Variants in SH3KBP1 observed in about 807,000 individuals in gnomAD.
SH3KBP1 encodes SH3 domain-containing kinase-binding protein 1.
SH3KBP1 carries 8 observed loss-of-function variants against 50.1 expected under a neutral mutation model. That is an observed-to-expected ratio of 0.16 (90% confidence interval 0.09 to 0.29). SH3KBP1 has a LOEUF of 0.29. Ranked by LOEUF, SH3KBP1 falls within the 10% of genes least tolerant of loss-of-function variation. SH3KBP1 has a pLI of 1.00. For missense variants in SH3KBP1, 377 were observed against 535.2 expected, an observed-to-expected ratio of 0.70 and a Z score of 2.92; for synonymous variants, 227 against 218.6, an observed-to-expected ratio of 1.04 and a Z score of -0.34.
chrX:19,673,512 C>A (rs772028436), intron 6 of SH3KBP1, among the ~76,000 whole-genome samples: 1 of 111,342 alleles, frequency 9.0e-6, no homozygotes, highest in African/African-American at 3.3e-5. Flanking sequence ...CAGGCAACGG[C>A]GATCCAGCTT....
chrX:19,880,476 T>C (rs981940396), intron 1 of SH3KBP1, among the ~76,000 whole-genome samples: 5 of 112,994 alleles, frequency 4.4e-5, no homozygotes, highest in Admixed American at 9.3e-5. Flanking sequence ...TTACATTGCA[T>C]GCCTGTATCA....
At chrX:19,771,423 A>G (rs2065787092) in intron 2 of SH3KBP1, among the ~76,000 whole-genome samples, 1 of 111,627 alleles carries the variant, frequency 9.0e-6, no homozygotes, top group African/African-American at 3.3e-5. Flanking sequence ...TTGACAAGAT[A>G]TAGCCTGGGC....
At chrX:19,681,655 G>A (rs2063055466) in intron 6 of SH3KBP1, among the ~76,000 whole-genome samples, 1 of 111,040 alleles carries the variant, frequency 9.0e-6, no homozygotes, top group Non-Finnish European at 1.9e-5. Context: ...TAGATGCAGA[G>A]TGGCCCAGGC....
At chrX:19,876,386 A>G (rs2069252676) in intron 1 of SH3KBP1, among the ~76,000 whole-genome samples, 1 of 111,172 alleles carries the variant, frequency 9.0e-6, no homozygotes, top group Non-Finnish European at 1.9e-5. Context: ...CAAACAAAAA[A>G]AACACCTAGA....
intron 2 of SH3KBP1, among the ~76,000 whole-genome samples, chrX:19,748,536 C>T (rs2064982464): frequency 8.9e-6 from 1 of 112,001 alleles, no homozygotes; most frequent in Admixed American, 9.4e-5. Context: ...AAATTCCAGA[C>T]TCCATTGTTC....
chrX:19,563,917 CTGT>C (rs956997353), intron 13 of SH3KBP1, among the ~76,000 whole-genome samples: 1 of 111,431 alleles, frequency 9.0e-6, no homozygotes, highest in African/African-American at 3.3e-5. Context: ...GAAGGCGCGG[CTGT>C]TGTTCACACA....
At chrX:19,730,443 T>C (rs765953586) in intron 3 of SH3KBP1, among the ~76,000 whole-genome samples, 2 of 111,927 alleles carry the variant, frequency 1.8e-5, no homozygotes, top group Non-Finnish European at 3.8e-5. Flanking sequence ...AATTTTTATT[T>C]TCCTTTGTAA....
intron 7 of SH3KBP1, among the ~76,000 whole-genome samples, chrX:19,632,338 T>C (rs1418266905): frequency 8.9e-6 from 1 of 112,350 alleles, no homozygotes; most frequent in Non-Finnish European, 1.9e-5. Flanking sequence ...ACCTTAAGTT[T>C]TGCCTCACTG....
chrX:19,755,451 C>T (rs748597375), intron 2 of SH3KBP1, among the ~76,000 whole-genome samples: 6 of 111,589 alleles, frequency 5.4e-5, no homozygotes, highest in East Asian at 2.8e-4. Flanking sequence ...AATTCATCAA[C>T]GAAGACAAAA....
intron 2 of SH3KBP1, among the ~76,000 whole-genome samples, chrX:19,765,450 G>A (rs2065575442): frequency 9.0e-6 from 1 of 110,741 alleles, no homozygotes; most frequent in African/African-American, 3.3e-5. Flanking sequence ...CTCCATCTTC[G>A]AGGCCAGCAG....
intron 8 of SH3KBP1, among the ~76,000 whole-genome samples, chrX:19,616,943 G>A (rs1350511941): frequency 8.9e-6 from 1 of 111,904 alleles, no homozygotes; most frequent in Admixed American, 9.4e-5. Context: ...GCCAGGCCTC[G>A]TAGAGTCTTG....
At chrX:19,546,241 C>A (rs1383724272) in intron 14 of SH3KBP1, among the ~76,000 whole-genome samples, 191 bp from the exon 15 acceptor site, 2 of 112,374 alleles carry the variant, frequency 1.8e-5, no homozygotes, top group Non-Finnish European at 3.8e-5. Flanking sequence ...GGCAGAACTG[C>A]GACTAAGAAG....
chrX:19,610,897 G>A (rs1453025503), intron 8 of SH3KBP1, among the ~76,000 whole-genome samples: 8 of 111,123 alleles, frequency 7.2e-5, no homozygotes, highest in Non-Finnish European at 1.5e-4. Flanking sequence ...ATCTTTTTTT[G>A]CAGGGAGACA....
rs775513608 is a variant in SH3KBP1, at chrX:19,542,244, C to T, written c.1624-51G>A. 20 of 1,090,276 alleles carry T rather than the reference C, an allele frequency of 1.8e-5. No homozygotes were observed. The East Asian group carries it at 2.2e-4, about 12-fold the overall frequency. 89.9% of individuals were successfully genotyped at this position (1,090,276 alleles called of 1,213,427 possible). Reference sequence around the variant, plus strand: ...TTCAGGGCCGGGGATTTGTGTGCTGCGTCTTTGTCCTGGTTAGTCAAACTC... The same window carrying T: ...TTCAGGGCCGGGGATTTGTGTGCTGTGTCTTTGTCCTGGTTAGTCAAACTC... On this transcript the variant is annotated intron_variant, in intron 15 of 17. Coordinates refer to ENST00000397821, the MANE Select transcript of SH3KBP1 (RefSeq NM_031892.3).
chrX:19,551,036 T>C (rs2065223822), intron 13 of SH3KBP1, among the ~76,000 whole-genome samples: 2 of 111,883 alleles, frequency 1.8e-5, no homozygotes, highest in African/African-American at 6.5e-5. Flanking sequence ...GAGAATTCTT[T>C]TGCTGATGGT....
intron 7 of SH3KBP1, among the ~76,000 whole-genome samples, chrX:19,644,193 C>G (rs1396296094): frequency 1.8e-5 from 2 of 111,236 alleles, no homozygotes; most frequent in Admixed American, 9.5e-5. Flanking sequence ...AGGGAGTAGG[C>G]AGACAGTTAC....
At chrX:19,822,506 A>T (rs1039211653) in intron 2 of SH3KBP1, among the ~76,000 whole-genome samples, 23 of 112,174 alleles carry the variant, frequency 2.1e-4, no homozygotes, top group African/African-American at 7.1e-4. Flanking sequence ...TTCCATTTTT[A>T]AAAAACCTAT....
chrX:19,543,670 G>T (rs2065003144), intron 15 of SH3KBP1, among the ~76,000 whole-genome samples: 1 of 111,672 alleles, frequency 9.0e-6, no homozygotes, highest in Admixed American at 9.5e-5. Context: ...TCAGGGAAGG[G>T]TTCTGTTCAC....
intron 1 of SH3KBP1, among the ~76,000 whole-genome samples, chrX:19,861,448 T>C (rs1268975505): frequency 9.1e-6 from 1 of 110,136 alleles, no homozygotes; most frequent in African/African-American, 3.3e-5. Context: ...AAAGAAACAG[T>C]GTACTATATG....
Sources: gnomAD v4.1 joint callset for allele counts (sites outside exome capture counted in the v4.1 genomes callset) on GRCh38, gnomAD v4.1.1 for gene constraint, MANE v1.5 for transcripts, NCBI Gene and HGNC (gene_info 2026-07-23, HGNC 2026-07-21) for gene names.